The following HEYL variants were observed in gnomAD, a reference collection of about 807,000 sequenced individuals.
HEYL encodes hairy/enhancer-of-split related with YRPW motif-like protein.
Under a neutral mutation model 18.6 loss-of-function variants are expected in HEYL, and 12 were observed. That is an observed-to-expected ratio of 0.65 (90% CI 0.41 to 1.05). The LOEUF is 1.05. Among genes scored for constraint, HEYL ranks in the 50% least tolerant of loss-of-function variants. The pLI is 0.00. For synonymous variants in HEYL, 159 were observed against 179.6 expected (o/e 0.89, Z 0.91); for missense variants, 420 against 444.7 (o/e 0.94, Z 0.50).
chr1:39,638,561 G>A (rs1646371589), intron 1 of HEYL, among the ~76,000 whole-genome samples: 2 of 152,200 alleles, frequency 1.3e-5, no homozygotes, highest in Non-Finnish European at 2.9e-5. Context: ...CTTTTCCACT[G>A]CTGTCTTTGT....
chr1:39,632,928 TTCGCCCCTCGCTCCTCGCTCC>T (rs1646342879), intron 1 of HEYL: 4 of 985,068 alleles, frequency 4.1e-6, no homozygotes, highest in Middle Eastern at 5.2e-4. Context: ...GGCCTCGCCC[TTCGCCCCTCGCTCCTCGCTCC>T]TCGCCCCTCG....
At position 39,627,047 on chromosome 1, in the gene HEYL, A is replaced by G; in HGVS notation, c.447T>C (p.Leu149=). The G allele has an allele frequency of 1.2e-6, 2 of 1,614,140 alleles. No homozygotes were observed. Among genetic ancestry groups the G allele is most frequent in the Non-Finnish European group, 1.7e-6 (2 of 1,180,000 alleles). The change falls in exon 5 of 5, where the codon CTT becomes CTC. Residue 149 remains leucine (L), a synonymous_variant. Coordinates refer to ENST00000372852, the MANE Select transcript of HEYL (RefSeq NM_014571.4). ...SSRADPVRIR[L]LSHLNSYAAE... The stretch of plus-strand genomic sequence containing the variant: ...CTGCGTAGCTGTTGAGGTGGGAGAG[A>G]AGGCGAATCCGGACGGGGTCTGCAC...
intron 4 of HEYL, among the ~76,000 whole-genome samples, chr1:39,628,319 C>T (rs1231284119): frequency 1.3e-5 from 2 of 151,104 alleles, no homozygotes; most frequent in East Asian, 3.9e-4. Flanking sequence ...TCGCTCTGTC[C>T]CCCAGGCTGG....
intron 1 of HEYL, among the ~76,000 whole-genome samples, chr1:39,638,207 A>G (rs1370140666): frequency 1.3e-5 from 2 of 152,222 alleles, no homozygotes; most frequent in Non-Finnish European, 2.9e-5. Flanking sequence ...CTATTATGGC[A>G]TTTTCCTGGG....
intron 3 of HEYL, 34 bp from the exon 4 acceptor site, chr1:39,630,342 C>T (rs369668500): frequency 8.5e-6 from 13 of 1,535,096 alleles, no homozygotes; most frequent in Non-Finnish European, 9.9e-6. Flanking sequence ...GTGGAGCCTG[C>T]AGCTGACCAT....
chr1:39,634,884 C>T (rs1217047131), intron 1 of HEYL, among the ~76,000 whole-genome samples: 6 of 152,200 alleles, frequency 3.9e-5, no homozygotes, highest in Non-Finnish European at 1.5e-5. Context: ...CATGGTAGAG[C>T]TTTCTTCTCT....
intron 3 of HEYL, 114 bp from the exon 4 acceptor site, chr1:39,630,422 G>A (rs894757135): frequency 3.3e-5 from 27 of 829,044 alleles, no homozygotes; most frequent in African/African-American, 3.2e-4. Flanking sequence ...ACTGCTGCCT[G>A]CAAATGGGCT....
chr1:39,623,836 C>A lies in HEYL; in HGVS notation c.*2671G>T, dbSNP rs1646280537. Among the ~76,000 whole-genome samples, 1 of 152,110 alleles carries A rather than the reference C, an allele frequency of 6.6e-6. No homozygotes were observed. Among genetic ancestry groups the A allele is most frequent in the African/African-American group, 2.4e-5 (1 of 41,404 alleles). ...GAATGTCGAGGAAATGAAGGAAGGGCAGGTGGCAGAAGCTCAGGGAGCAAG... is the reference window on the plus strand; with the variant it reads ...GAATGTCGAGGAAATGAAGGAAGGGAAGGTGGCAGAAGCTCAGGGAGCAAG... On this transcript the variant is annotated 3_prime_UTR_variant, in exon 5 of 5. Transcript: ENST00000372852.
At chr1:39,632,553 G>T in intron 2 of HEYL, 96 bp downstream of exon 2, 2 of 1,088,936 alleles carry the variant, frequency 1.8e-6, no homozygotes, top group Non-Finnish European at 2.7e-6. Context: ...TAGCTTCATG[G>T]TGAAATTTCT....
At chr1:39,639,523 G>A (rs2124126598) in intron 1 of HEYL, 23 bp downstream of exon 1, 1 of 1,562,524 alleles carries the variant, frequency 6.4e-7, no homozygotes, top group Non-Finnish European at 8.6e-7. Flanking sequence ...CCGCCTGCTC[G>A]GTCCCCGCAT....
At chr1:39,638,891 A>C (rs181727051) in intron 1 of HEYL, among the ~76,000 whole-genome samples, 70 of 152,344 alleles carry the variant, frequency 4.6e-4, no homozygotes, top group Non-Finnish European at 6.6e-4. Flanking sequence ...ATACAAGCGC[A>C]GTTTGTTCGA....
rs565009299 is a variant in HEYL at position 39,624,870 on chromosome 1, G to A, written c.*1637C>T. On this transcript the variant is annotated 3_prime_UTR_variant, in exon 5 of 5. Transcript: ENST00000372852. ...CTGTCTTTTCAAAAGAGCTTTCTGG[G>A]TCACTCAATGATCTCCTCCCTCTTA... is the stretch of plus-strand genomic sequence containing the variant. 13 of 152,286 alleles carry A rather than the reference G, an allele frequency of 8.5e-5. No individual in the cohort carries two copies. The highest frequency in any genetic ancestry group is 2.9e-4 in the African/African-American group (12 of 41,552). 9.4% of individuals were successfully genotyped at this position (152,286 alleles called of 1,614,324 possible). A position where few individuals can be genotyped will look rare whatever the true frequency, so the allele number is the denominator to read the frequency against.
intron 1 of HEYL, among the ~76,000 whole-genome samples, chr1:39,637,232 T>C (rs1646365989): frequency 6.6e-6 from 1 of 152,154 alleles, no homozygotes; most frequent in African/African-American, 2.4e-5. Context: ...TGGGGCCAGG[T>C]TGAGATGAGA....
At chr1:39,634,627 C>G (rs1215132047) in intron 1 of HEYL, among the ~76,000 whole-genome samples, 1 of 152,238 alleles carries the variant, frequency 6.6e-6, no homozygotes, top group Non-Finnish European at 1.5e-5. Context: ...GATCTCAACT[C>G]AGATGGCACC....
chr1:39,626,015 C>G lies in HEYL; in HGVS notation c.*492G>C, dbSNP rs1214816834. The G allele has an allele frequency of 6.5e-6, 1 of 154,096 alleles. No individual in the cohort carries two copies. The highest frequency in any genetic ancestry group is 1.4e-5 in the Non-Finnish European group (1 of 69,478). 9.5% of individuals were successfully genotyped at this position (154,096 alleles called of 1,614,324 possible). A position where few individuals can be genotyped will look rare whatever the true frequency, so the allele number is the denominator to read the frequency against. ...CCAGGAGACCTCTTTGTAGCCCCTGCTCAGTTACTATCTCCAGGAAGCGAG... is the reference window on the plus strand; with the variant it reads ...CCAGGAGACCTCTTTGTAGCCCCTGGTCAGTTACTATCTCCAGGAAGCGAG... On this transcript the variant is annotated 3_prime_UTR_variant, in exon 5 of 5. Coordinates refer to ENST00000372852, the MANE Select transcript of HEYL (RefSeq NM_014571.4).
At chr1:39,634,168 T>C (rs1426395400) in intron 1 of HEYL, among the ~76,000 whole-genome samples, 1 of 152,176 alleles carries the variant, frequency 6.6e-6, no homozygotes, top group Non-Finnish European at 1.5e-5. Context: ...TGATCTTGGC[T>C]CACTACAACC....
intron 1 of HEYL, among the ~76,000 whole-genome samples, chr1:39,637,375 G>C (rs1271560260): frequency 1.3e-5 from 2 of 152,380 alleles, no homozygotes; most frequent in Admixed American, 6.5e-5. Flanking sequence ...CTGACCCCGA[G>C]AGGCTGGCTG....
rs1223532078 is a variant in HEYL at position 39,626,327 on chromosome 1, G to A, written c.*180C>T. ...AGCTCCAGGAGAGCTGGGTGGATAAGCTGGGATAACAGTGAGAAGGAGAGA... is the reference window on the plus strand; with the variant it reads ...AGCTCCAGGAGAGCTGGGTGGATAAACTGGGATAACAGTGAGAAGGAGAGA... On this transcript the variant is annotated 3_prime_UTR_variant, in exon 5 of 5. Coordinates refer to ENST00000372852, the MANE Select transcript of HEYL (RefSeq NM_014571.4). 3 of 593,934 alleles carry A rather than the reference G, an allele frequency of 5.1e-6. No individual in the cohort carries two copies. The highest frequency in any genetic ancestry group is 3.4e-5 in the Admixed American group (1 of 28,994). The allele number at this position is 593,934 out of a possible 1,614,324, so 36.8% of individuals were successfully genotyped here.
intron 1 of HEYL, among the ~76,000 whole-genome samples, chr1:39,638,174 T>C (rs1646369993): frequency 6.6e-6 from 1 of 152,196 alleles, no homozygotes; most frequent in Admixed American, 6.5e-5. Context: ...TAAAAACAAA[T>C]GTACAGGCTG....
Sources: gnomAD v4.1 joint callset for allele counts (sites outside exome capture counted in the v4.1 genomes callset) on GRCh38, gnomAD v4.1.1 for gene constraint, MANE v1.5 for transcripts, NCBI Gene and HGNC (gene_info 2026-07-23, HGNC 2026-07-21) for gene names.